Variants in RBFOX1 observed in about 807,000 individuals in gnomAD.
RBFOX1 encodes RNA binding protein fox-1 homolog 1.
In RBFOX1, 8 loss-of-function variants were observed where a neutral mutation model predicts 57.7. The ratio of observed to expected loss-of-function variants is 0.14; its 90% CI spans 0.08 to 0.25. RBFOX1 has a LOEUF of 0.25. Among genes scored for constraint, RBFOX1 ranks in the 10% least tolerant of loss-of-function variants. The probability of loss-of-function intolerance (pLI) is 1.00; values close to 1 mark genes in which losing one functional copy is unlikely to be tolerated. For missense variants in RBFOX1, 611 were observed against 548.5 expected (o/e 1.11, Z -1.14); for synonymous variants, 326 against 222.4 (o/e 1.47, Z -4.15).
At chr16:5,845,730 G>A (rs956869919) in intron 3 of RBFOX1, among the ~76,000 whole-genome samples, 3 of 152,138 alleles carry the variant, frequency 2.0e-5, no homozygotes, top group Admixed American at 6.5e-5. Flanking sequence ...ACATTTATAG[G>A]GTTCAGTGGC....
chr16:6,067,426 G>A (rs768703473), intron 1 of RBFOX1, among the ~76,000 whole-genome samples: 2 of 151,960 alleles, frequency 1.3e-5, no homozygotes, highest in African/African-American at 2.4e-5. Flanking sequence ...AAATACAAGC[G>A]AATGCCTGGA....
At chr16:6,987,326 A>G (rs956363116) in intron 3 of RBFOX1, among the ~76,000 whole-genome samples, 7 of 152,102 alleles carry the variant, frequency 4.6e-5, no homozygotes, top group Admixed American at 1.3e-4. Flanking sequence ...CAAAGGAGGA[A>G]GTGAGTGGAG....
intron 1 of RBFOX1, among the ~76,000 whole-genome samples, chr16:6,272,268 C>T (rs2075296192): frequency 6.6e-6 from 1 of 152,048 alleles, no homozygotes; most frequent in Admixed American, 6.6e-5. Flanking sequence ...CAAAAACTGT[C>T]AGAAAAACAG....
At chr16:5,548,172 AAAATATATATAT>A (rs1362978578) in intron 2 of RBFOX1, among the ~76,000 whole-genome samples, 1,688 of 28,218 alleles carry the variant, frequency 0.06, 37 homozygotes, top group East Asian at 0.24. Flanking sequence ...AAAAAAAAAA[AAAATATATATAT>A]ATATATATAT....
chr16:7,402,799 G>C (rs555090505), intron 4 of RBFOX1, among the ~76,000 whole-genome samples: 1 of 152,146 alleles, frequency 6.6e-6, no homozygotes, highest in Non-Finnish European at 1.5e-5. Context: ...CAACAGCAGG[G>C]ATAGCTTAAC....
At chr16:6,953,461 C>T (rs2081169997) in intron 3 of RBFOX1, among the ~76,000 whole-genome samples, 1 of 152,056 alleles carries the variant, frequency 6.6e-6, no homozygotes, top group Non-Finnish European at 1.5e-5. Flanking sequence ...TCTCAGCTCA[C>T]CGCAACCTCC....
At chr16:5,454,773 C>A in intron 1 of RBFOX1, among the ~76,000 whole-genome samples, 1 of 128,888 alleles carries the variant, frequency 7.8e-6, no homozygotes, top group African/African-American at 2.9e-5. Context: ...CTTTCTCTTT[C>A]TTTCTTTCTT....
intron 13 of RBFOX1, among the ~76,000 whole-genome samples, chr16:7,668,815 G>T (rs1002761186): frequency 2.6e-5 from 4 of 152,136 alleles, no homozygotes; most frequent in African/African-American, 7.2e-5. Flanking sequence ...ATCAAGTTAA[G>T]CAAACTAAAT....
At chr16:6,951,929 T>A (rs1380106903) in intron 3 of RBFOX1, among the ~76,000 whole-genome samples, 2 of 151,970 alleles carry the variant, frequency 1.3e-5, no homozygotes, top group African/African-American at 4.8e-5. Context: ...AGAGATGGGG[T>A]TTCACCATGT....
chr16:5,572,359 A>G (rs1445228166), intron 2 of RBFOX1, among the ~76,000 whole-genome samples: 2 of 152,210 alleles, frequency 1.3e-5, no homozygotes, highest in Non-Finnish European at 2.9e-5. Context: ...TGAACACAGC[A>G]GACAAAAATC....
At chr16:6,365,977 G>T (rs2089527027) in intron 2 of RBFOX1, among the ~76,000 whole-genome samples, 1 of 151,096 alleles carries the variant, frequency 6.6e-6, no homozygotes, top group South Asian at 2.1e-4. Context: ...CCTTCTCTGG[G>T]TGTTTTTTTT....
At chr16:6,062,474 C>G (rs969448634) in intron 1 of RBFOX1, among the ~76,000 whole-genome samples, 1 of 151,916 alleles carries the variant, frequency 6.6e-6, no homozygotes, top group African/African-American at 2.4e-5. Flanking sequence ...GTTTTAGAAG[C>G]TGTGCTCCAA....
intron 3 of RBFOX1, among the ~76,000 whole-genome samples, chr16:6,832,486 A>G (rs2092777959): frequency 6.6e-6 from 1 of 152,196 alleles, no homozygotes; most frequent in Admixed American, 6.5e-5. Context: ...ATGAAATGTA[A>G]CACCTATTGG....
intron 3 of RBFOX1, among the ~76,000 whole-genome samples, chr16:6,909,435 A>G (rs2153429028): frequency 6.6e-6 from 1 of 152,312 alleles, no homozygotes; most frequent in Non-Finnish European, 1.5e-5. Context: ...TTGCCAGGCA[A>G]GGTGACGTAT....
chr16:7,259,094 G>A (rs556508204), intron 4 of RBFOX1, among the ~76,000 whole-genome samples: 91 of 152,258 alleles, frequency 6.0e-4, no homozygotes, highest in African/African-American at 2.1e-3. Context: ...AAAAGTCCAT[G>A]AGAAGCAATT....
chr16:7,047,966 C>T (rs903261176), intron 3 of RBFOX1, among the ~76,000 whole-genome samples: 1 of 151,724 alleles, frequency 6.6e-6, no homozygotes, highest in Non-Finnish European at 1.5e-5. Context: ...GCAACCTCCC[C>T]CTGCCGGGTT....
intron 3 of RBFOX1, among the ~76,000 whole-genome samples, chr16:5,650,535 G>C (rs2049201844): frequency 6.6e-6 from 1 of 152,136 alleles, no homozygotes; most frequent in South Asian, 2.1e-4. Context: ...TTCATTCTTT[G>C]GCTTTGGGGA....
At chr16:5,433,202 G>A (rs542174582) in intron 1 of RBFOX1, among the ~76,000 whole-genome samples, 2 of 152,134 alleles carry the variant, frequency 1.3e-5, no homozygotes, top group Non-Finnish European at 2.9e-5. Flanking sequence ...GTTTTTCTTT[G>A]CCTCCTTGAT....
intron 3 of RBFOX1, among the ~76,000 whole-genome samples, chr16:6,706,499 A>G (rs1603448135): frequency 6.6e-6 from 1 of 152,196 alleles, no homozygotes; most frequent in Non-Finnish European, 1.5e-5. Context: ...ATGAGGCAGG[A>G]TCACTTACTT....
Sources: allele counts gnomAD v4.1 joint callset (sites outside exome capture counted in the v4.1 genomes callset), GRCh38; gene constraint gnomAD v4.1.1; transcripts MANE v1.5; gene names NCBI Gene and HGNC (gene_info 2026-07-23, HGNC 2026-07-21).